Variants in DAPP1 observed in about 807,000 individuals in gnomAD.
The protein encoded by DAPP1 is dual adaptor of phosphotyrosine and 3-phosphoinositides 1, also known as dual adapter for phosphotyrosine and 3-phosphotyrosine and 3-phosphoinositide.
DAPP1 carries 20 observed loss-of-function variants against 41.5 expected under a neutral mutation model. That is an observed-to-expected ratio of 0.48 (90% CI 0.34 to 0.70). The LOEUF (loss-of-function observed/expected upper bound fraction) is 0.70, where lower values mean the gene tolerates loss of function less well. DAPP1 is among the 30% of genes least tolerant of loss of function. DAPP1 has a pLI of 0.01. For synonymous variants in DAPP1, 113 were observed against 116.2 expected, an observed-to-expected ratio of 0.97 and a Z score of 0.18; for missense variants, 233 against 333.4, an observed-to-expected ratio of 0.70 and a Z score of 2.35.
intron 2 of DAPP1, among the ~76,000 whole-genome samples, 170 bp from the exon 3 acceptor site, chr4:99,840,119 C>T (rs1480734551): frequency 6.6e-6 from 1 of 152,106 alleles, no homozygotes; most frequent in East Asian, 1.9e-4. Flanking sequence ...AGAGCAAACT[C>T]TGCCAAAAGA....
rs546890498 is a variant in DAPP1, at chr4:99,845,487, G to A, written c.358+5065G>A. On this transcript the variant is annotated intron_variant, in intron 3 of 8. Transcript: ENST00000512369. Reference sequence around the variant, plus strand: ...TACATTGCTGCCATGGCACAGCATGGCCTTTAATAAATTTGGAAGAATTTC... The same window carrying A: ...TACATTGCTGCCATGGCACAGCATGACCTTTAATAAATTTGGAAGAATTTC... 1.1e-3 allele frequency among the ~76,000 whole-genome samples: 171 copies of A among 152,294 alleles called. 2 individuals carry two copies. Among genetic ancestry groups the A allele is most frequent in the Middle Eastern group, 6.8e-3 (2 of 294 alleles).
At chr4:99,839,078 G>A (rs1465373331) in intron 2 of DAPP1, among the ~76,000 whole-genome samples, 1 of 152,176 alleles carries the variant, frequency 6.6e-6, no homozygotes, top group African/African-American at 2.4e-5. Context: ...AGTAGATCCA[G>A]TTGGACTAGG....
intron 3 of DAPP1, among the ~76,000 whole-genome samples, chr4:99,852,385 C>G (rs1723892796): frequency 6.6e-6 from 1 of 152,168 alleles, no homozygotes; most frequent in Non-Finnish European, 1.5e-5. Context: ...TAGTTAGTTT[C>G]TAGTTTCTGA....
intron 3 of DAPP1, among the ~76,000 whole-genome samples, chr4:99,846,511 A>G (rs1470778095): frequency 6.6e-6 from 1 of 152,252 alleles, no homozygotes; most frequent in Non-Finnish European, 1.5e-5. Context: ...TTCTTAGCAT[A>G]GTATAAGTAT....
intron 3 of DAPP1, among the ~76,000 whole-genome samples, chr4:99,841,996 A>G (rs1723509769): frequency 6.6e-6 from 1 of 152,208 alleles, no homozygotes; most frequent in Non-Finnish European, 1.5e-5. Context: ...CAAGTTAGGG[A>G]AAAGATACAT....
chr4:99,838,967 G>T (rs183573291), intron 2 of DAPP1, among the ~76,000 whole-genome samples: 1 of 152,186 alleles, frequency 6.6e-6, no homozygotes, highest in South Asian at 2.1e-4. Flanking sequence ...GCACCTTAAT[G>T]AGTGGCTGGG....
At chr4:99,850,795 A>G (rs1723828555) in intron 3 of DAPP1, among the ~76,000 whole-genome samples, 1 of 152,122 alleles carries the variant, frequency 6.6e-6, no homozygotes. Context: ...AATCATTCAA[A>G]TTTTATTTAA....
At chr4:99,837,396 G>T (rs1360574816) in intron 2 of DAPP1, among the ~76,000 whole-genome samples, 1 of 152,200 alleles carries the variant, frequency 6.6e-6, no homozygotes, top group African/African-American at 2.4e-5. Flanking sequence ...GTGGGTGGGT[G>T]TGCGAAACAG....
chr4:99,824,860 G>T (rs1722886163), intron 1 of DAPP1, among the ~76,000 whole-genome samples: 1 of 152,104 alleles, frequency 6.6e-6, no homozygotes, highest in Admixed American at 6.6e-5. Context: ...GGAGAGCAGT[G>T]GTGCTTTTTT....
chr4:99,871,411 CT>C (rs200068749), downstream of DAPP1, among the ~76,000 whole-genome samples: 35 of 149,958 alleles, frequency 2.3e-4, no homozygotes, highest in African/African-American at 4.6e-4. Context: ...ATCTTATTTT[CT>C]TTTTTTTTTA....
chr4:99,817,091 A>G (rs1421167753), intron 1 of DAPP1, 77 bp downstream of exon 1: 9 of 1,112,218 alleles, frequency 8.1e-6, no homozygotes, highest in Non-Finnish European at 1.2e-5. Context: ...TGCTTTGATT[A>G]ATGACTATCT....
At chr4:99,848,704 C>T (rs761884057) in intron 3 of DAPP1, among the ~76,000 whole-genome samples, 30 of 152,116 alleles carry the variant, frequency 2.0e-4, no homozygotes, top group Non-Finnish European at 4.0e-4. Context: ...AGTGTACCTC[C>T]GCTCAGCCTT....
At chr4:99,818,201 A>G (rs1019136770) in intron 1 of DAPP1, among the ~76,000 whole-genome samples, 4 of 152,222 alleles carry the variant, frequency 2.6e-5, no homozygotes, top group African/African-American at 9.6e-5. Flanking sequence ...TTCATTAAAG[A>G]AAACTCCCCT....
chr4:99,866,411 G>A (rs1482767270), intron 8 of DAPP1: 1 of 678,120 alleles, frequency 1.5e-6, no homozygotes, highest in Non-Finnish European at 2.6e-6. Flanking sequence ...GTTCAGTTTT[G>A]TCTGGAGGGG....
chr4:99,816,917 G>T lies in DAPP1; in HGVS notation c.4G>T (p.Gly2Cys). ...TCTACCTCTGTGAAGGGCGCGAATG[G>T]GCAGAGCAGAACTTCTAGAAGGGAA... M[G>C]RAELLEGKMS... Residue 2 changes from glycine to cysteine, a missense_variant, in exon 1 of 9, where the codon GGC (glycine) becomes TGC (cysteine). By Grantham distance (159) the Gly-to-Cys change is radical. Transcript: ENST00000512369. The T allele has an allele frequency of 6.2e-7, 1 of 1,605,996 alleles. No homozygotes were observed. The highest frequency in any genetic ancestry group is 2.2e-5 in the East Asian group (1 of 44,472).
chr4:99,828,014 A>T (rs79123371), intron 1 of DAPP1, among the ~76,000 whole-genome samples: 1,748 of 152,370 alleles, frequency 0.011, 41 homozygotes, highest in African/African-American at 0.039. Flanking sequence ...TTGTAGCCCA[A>T]GAGTTTTCTA....
At chr4:99,836,314 C>G (rs1723297264) in intron 2 of DAPP1, among the ~76,000 whole-genome samples, 1 of 152,120 alleles carries the variant, frequency 6.6e-6, no homozygotes, top group Non-Finnish European at 1.5e-5. Context: ...TCTTTCAGGT[C>G]CTCCCCACCT....
chr4:99,845,322 G>A (rs1723630997), intron 3 of DAPP1, among the ~76,000 whole-genome samples: 1 of 151,988 alleles, frequency 6.6e-6, no homozygotes, highest in Admixed American at 6.6e-5. Context: ...GTACATTGTT[G>A]CCATGGTACA....
At chr4:99,827,272 G>A (rs771669517) in intron 1 of DAPP1, among the ~76,000 whole-genome samples, 6 of 152,010 alleles carry the variant, frequency 3.9e-5, no homozygotes, top group South Asian at 2.1e-4. Flanking sequence ...GGCTGGGCGC[G>A]GTCTGTAATC....
Sources: allele counts gnomAD v4.1 joint callset (sites outside exome capture counted in the v4.1 genomes callset), GRCh38; gene constraint gnomAD v4.1.1; transcripts MANE v1.5; gene names NCBI Gene and HGNC (gene_info 2026-07-23, HGNC 2026-07-21).